NPFFR2: variants seen among roughly 807,000 people sequenced by gnomAD.
NPFFR2 encodes neuropeptide FF receptor 2.
Under a neutral mutation model 13.1 loss-of-function variants are expected in NPFFR2, and 15 were observed. The ratio of observed to expected loss-of-function variants is 1.15; its 90% confidence interval spans 0.77 to 1.76. The LOEUF (loss-of-function observed/expected upper bound fraction) is 1.76. Among genes scored for constraint, NPFFR2 ranks in the 40% most tolerant of loss-of-function variants. The pLI is 0.00. For synonymous variants in NPFFR2, 190 were observed against 175.7 expected (o/e 1.08, Z -0.65); for missense variants, 572 against 503.5 (o/e 1.14, Z -1.30).
chr4:72,047,131 CAG>C lies in NPFFR2; in HGVS notation c.-8+14934_-8+14935del, dbSNP rs769818056. Among the ~76,000 whole-genome samples the C allele has an allele frequency of 1.9e-4, 28 of 150,902 alleles. No individual in the cohort carries two copies. The East Asian group carries it at 2.5e-3, about 14-fold the overall frequency. On this transcript the variant is annotated intron_variant, in intron 1 of 3. Transcript: ENST00000308744. Reference sequence around the variant, plus strand: ...AAAGATTGTATAATAAAATAAGAAACAGAGTGAAAGGATTTGGAAAATTCACA... The same window carrying C: ...AAAGATTGTATAATAAAATAAGAAACAGTGAAAGGATTTGGAAAATTCACA...
At chr4:72,082,768 A>G (rs1720665248) in intron 1 of NPFFR2, among the ~76,000 whole-genome samples, 1 of 152,074 alleles carries the variant, frequency 6.6e-6, no homozygotes, top group African/African-American at 2.4e-5. Flanking sequence ...TCTCCTAACT[A>G]ACTGAAACCT....
chr4:72,134,998 T>TGGTGTTTGG (rs1237002303), intron 2 of NPFFR2, among the ~76,000 whole-genome samples: 16 of 152,258 alleles, frequency 1.1e-4, no homozygotes, highest in Admixed American at 2.6e-4. Context: ...TGCAAGTATC[T>TGGTGTTTGG]TTATTCTGCC....
At chr4:72,124,801 C>A (rs1434789746) in intron 1 of NPFFR2, among the ~76,000 whole-genome samples, 4 of 152,092 alleles carry the variant, frequency 2.6e-5, no homozygotes, top group African/African-American at 9.7e-5. Flanking sequence ...AAATGTAAGA[C>A]CTAAAACCAT....
At position 72,137,926 on chromosome 4, in the gene NPFFR2, G is replaced by T. The variant is rs533187793; in HGVS notation, c.329-114G>T. The stretch of plus-strand genomic sequence containing the variant: ...TACTGAGAAACATTGATTTTTCTCT[G>T]CCTATCATGTAGAAAACAGTTACAT... On this transcript the variant is annotated intron_variant, in intron 2 of 3. Coordinates refer to ENST00000308744, the MANE Select transcript of NPFFR2 (RefSeq NM_004885.3). 5.5e-6 allele frequency: 4 copies of T among 725,142 alleles called. No individual in the cohort carries two copies. In the South Asian group the frequency reaches 7.0e-5, roughly 13 times the overall value. The allele number at this position is 725,142 out of a possible 1,614,324, so 44.9% of individuals were successfully genotyped here. A position where few individuals can be genotyped will look rare whatever the true frequency, so the allele number is the denominator to read the frequency against.
chr4:72,091,157 C>T (rs1399772771), intron 1 of NPFFR2, among the ~76,000 whole-genome samples: 1 of 152,060 alleles, frequency 6.6e-6, no homozygotes, highest in Non-Finnish European at 1.5e-5. Context: ...GTATGTTCAA[C>T]CAGCTCTGCA....
At chr4:72,133,184 A>G (rs1288237220) in intron 2 of NPFFR2, among the ~76,000 whole-genome samples, 1 of 152,142 alleles carries the variant, frequency 6.6e-6, no homozygotes, top group Non-Finnish European at 1.5e-5. Context: ...TGTACATGGT[A>G]TAAGGAAGGG....
At chr4:72,044,881 G>A (rs1044821939) in intron 1 of NPFFR2, among the ~76,000 whole-genome samples, 3 of 151,846 alleles carry the variant, frequency 2.0e-5, no homozygotes, top group Non-Finnish European at 4.4e-5. Context: ...CCTTTGCTGT[G>A]CAGAAGCTTT....
chr4:72,127,261 G>A (rs1457508907), intron 1 of NPFFR2, among the ~76,000 whole-genome samples: 2 of 92,748 alleles, frequency 2.2e-5, no homozygotes, highest in Non-Finnish European at 3.8e-5. Flanking sequence ...CCGAGATCGC[G>A]CCACTGCACT....
At chr4:72,100,555 A>G (rs1721211016) in intron 1 of NPFFR2, among the ~76,000 whole-genome samples, 1 of 151,420 alleles carries the variant, frequency 6.6e-6, no homozygotes, top group Non-Finnish European at 1.5e-5. Context: ...TTCTTATACT[A>G]CTACTACTAA....
chr4:72,057,191 TC>T (rs1719775810), intron 1 of NPFFR2, among the ~76,000 whole-genome samples: 1 of 151,826 alleles, frequency 6.6e-6, no homozygotes, highest in Non-Finnish European at 1.5e-5. Flanking sequence ...TTGGCAATCA[TC>T]ATCATCATCA....
chr4:72,038,859 T>G (rs1379659622), intron 1 of NPFFR2, among the ~76,000 whole-genome samples: 1 of 151,122 alleles, frequency 6.6e-6, no homozygotes, highest in Non-Finnish European at 1.5e-5. Context: ...TAAACTAAAT[T>G]ATATCATAAT....
chr4:72,102,842 T>G (rs942713863), intron 1 of NPFFR2, among the ~76,000 whole-genome samples: 2 of 152,078 alleles, frequency 1.3e-5, no homozygotes, highest in Non-Finnish European at 2.9e-5. Context: ...ACGTATGCAT[T>G]TGTCTTTATA....
chr4:72,147,741 A>C lies in NPFFR2; in HGVS notation c.1192A>C (p.Ser398Arg), dbSNP rs141753805. The change falls in exon 4 of 4, where the codon AGT becomes CGT. Residue 398 changes from serine (S) to arginine (R), a missense_variant. Ser to Arg is a moderately radical substitution (Grantham distance 110). Coordinates refer to ENST00000308744, the MANE Select transcript of NPFFR2 (RefSeq NM_004885.3). ...TGGGGAAACCTTGCTTTATAGGAAA[A>C]GTGCTGAAAAACCCCAACAGGAATT... ...PHGETLLYRK[S>R]AEKPQQELVM... The C allele has an allele frequency of 4.2e-5, 68 of 1,602,370 alleles. No homozygotes were observed. The African/African-American group carries it at 7.6e-4, about 18-fold the overall frequency.
chr4:72,121,134 C>G (rs1165541370), intron 1 of NPFFR2, among the ~76,000 whole-genome samples: 1 of 151,418 alleles, frequency 6.6e-6, no homozygotes, highest in Non-Finnish European at 1.5e-5. Flanking sequence ...ATCGATCAAG[C>G]GGAAGAAAGG....
intron 1 of NPFFR2, among the ~76,000 whole-genome samples, chr4:72,109,163 A>C (rs1273286950): frequency 6.6e-6 from 1 of 152,136 alleles, no homozygotes; most frequent in East Asian, 1.9e-4. Flanking sequence ...AGAGAAAAGA[A>C]GTCCAAGGAT....
At chr4:72,058,960 A>C (rs550916563) in intron 1 of NPFFR2, among the ~76,000 whole-genome samples, 1 of 152,242 alleles carries the variant, frequency 6.6e-6, no homozygotes, top group East Asian at 1.9e-4. Flanking sequence ...AAGCCAAATA[A>C]GCCTATCAAG....
At chr4:72,036,046 T>C (rs1323590313) in intron 1 of NPFFR2, among the ~76,000 whole-genome samples, 2 of 152,196 alleles carry the variant, frequency 1.3e-5, no homozygotes, top group Admixed American at 6.5e-5. Flanking sequence ...TCAATAAATC[T>C]TTCCCAAAGC....
intron 1 of NPFFR2, among the ~76,000 whole-genome samples, chr4:72,062,780 T>A (rs1020706331): frequency 1.2e-4 from 18 of 152,174 alleles, no homozygotes; most frequent in African/African-American, 4.3e-4. Context: ...TGTGGAACCA[T>A]ATGGAGCAGA....
intron 1 of NPFFR2, among the ~76,000 whole-genome samples, chr4:72,034,368 T>C (rs959784561): frequency 1.3e-5 from 2 of 152,118 alleles, no homozygotes; most frequent in Non-Finnish European, 2.9e-5. Context: ...ACGTTCTCTT[T>C]CACGTGATGG....
Sources: allele counts gnomAD v4.1 joint callset (sites outside exome capture counted in the v4.1 genomes callset), GRCh38; gene constraint gnomAD v4.1.1; transcripts MANE v1.5; gene names NCBI Gene and HGNC (gene_info 2026-07-23, HGNC 2026-07-21).